The following CHD6 variants were observed in gnomAD, a reference collection of about 807,000 sequenced individuals.
CHD6 encodes chromodomain helicase DNA binding protein 6, also known as ATP-dependent chromatin remodeler CHD6.
In CHD6, 50 loss-of-function variants were observed where a neutral mutation model predicts 276.9. That is an observed-to-expected ratio of 0.18 (90% confidence interval 0.14 to 0.23). The LOEUF is 0.23. CHD6 is among the 10% of genes least tolerant of loss of function. The pLI is 1.00. For synonymous variants in CHD6, 1,173 were observed against 1,229.3 expected (o/e 0.95, Z 0.96); for missense variants, 2,564 against 3,365.8 (o/e 0.76, Z 5.89).
At chr20:41,471,509 A>G (rs144578138) in intron 17 of CHD6, among the ~76,000 whole-genome samples, 100 of 151,344 alleles carry the variant, frequency 6.6e-4, no homozygotes, top group African/African-American at 2.3e-3. Flanking sequence ...AACATAGTTT[A>G]CTTTATGATG....
intron 30 of CHD6, among the ~76,000 whole-genome samples, chr20:41,422,561 T>C (rs146047890): frequency 1.3e-5 from 2 of 152,302 alleles, no homozygotes; most frequent in East Asian, 3.9e-4. Context: ...CAAGAGGATC[T>C]GGGAACCCAG....
At chr20:41,526,756 G>A (rs867302359) in intron 3 of CHD6, among the ~76,000 whole-genome samples, 4 of 152,130 alleles carry the variant, frequency 2.6e-5, no homozygotes, top group African/African-American at 9.7e-5. Flanking sequence ...CCTAGCAGAC[G>A]TTACATATAA....
rs369907955 is a variant in CHD6 at position 41,535,627 on chromosome 20, G to A, written c.34-2057C>T. The stretch of plus-strand genomic sequence containing the variant: ...TAATACCAGCACTTTGGGAGGCTGA[G>A]GTGGGAGAACCACTTGAGGTCAGGA... On this transcript the variant is annotated intron_variant, in intron 2 of 36. Transcript: ENST00000373233. Among the ~76,000 whole-genome samples, 4 of 152,300 alleles carry A rather than the reference G, an allele frequency of 2.6e-5. No homozygotes were observed. The South Asian group carries it at 6.2e-4, about 24-fold the overall frequency.
At chr20:41,543,765 T>G (rs1006236551) in intron 2 of CHD6, among the ~76,000 whole-genome samples, 1 of 152,222 alleles carries the variant, frequency 6.6e-6, no homozygotes, top group African/African-American at 2.4e-5. Context: ...GACATATTTC[T>G]TTTATCCTTA....
intron 1 of CHD6, chr20:41,564,104 A>T (rs1433271724): frequency 1.3e-6 from 1 of 778,336 alleles, no homozygotes; most frequent in Non-Finnish European, 2.4e-6. Flanking sequence ...CAGTTTCTTC[A>T]TTTACAGAAC....
chr20:41,414,945 T>C (rs962272760), intron 34 of CHD6: 4 of 1,362,982 alleles, frequency 2.9e-6, no homozygotes, highest in African/African-American at 1.5e-5. Flanking sequence ...GTTGTTCCTA[T>C]TTGAAATGGC....
At chr20:41,547,349 C>G (rs1414979984) in intron 2 of CHD6, 1 of 200,170 alleles carries the variant, frequency 5.0e-6, no homozygotes, top group African/African-American at 2.3e-5. Flanking sequence ...TGTCTTCCAG[C>G]TCAAAGGAGG....
intron 5 of CHD6, among the ~76,000 whole-genome samples, chr20:41,504,410 TTTTTTTTTTTTTTTTTA>T (rs1386080742): frequency 1.2e-5 from 1 of 86,200 alleles, no homozygotes; most frequent in Non-Finnish European, 2.7e-5. Flanking sequence ...TTTCTTTTTT[TTTTTTTTTTTTTTTTTA>T]GACAGGATCT....
At chr20:41,530,218 T>C (rs1479063422) in intron 3 of CHD6, among the ~76,000 whole-genome samples, 2 of 152,182 alleles carry the variant, frequency 1.3e-5, no homozygotes, top group Non-Finnish European at 2.9e-5. Context: ...TATTGACTAT[T>C]TCTCAACTGA....
At chr20:41,479,155 G>C (rs968578306) in intron 16 of CHD6, among the ~76,000 whole-genome samples, 3 of 151,860 alleles carry the variant, frequency 2.0e-5, no homozygotes, top group Admixed American at 6.6e-5. Flanking sequence ...AGAGAAAAAG[G>C]GTTTTTAAAA....
In CHD6 at chr20:41,440,034, C is replaced by T; in HGVS notation, c.3973G>A (p.Gly1325Ser). 1 of 1,614,068 alleles carries T rather than the reference C, an allele frequency of 6.2e-7. No homozygotes were observed. The highest frequency in any genetic ancestry group is 8.5e-7 in the Non-Finnish European group (1 of 1,179,978). ...PDEKSLSAEQ[G>S]VTDGTSDIPE... is the part of the protein sequence containing the mutation. ...ATGTCTGAGGTCCCATCTGTAACACCCTGTTCTGCAGAAAGGGACTTCTCA... is the reference window on the plus strand; with the variant it reads ...ATGTCTGAGGTCCCATCTGTAACACTCTGTTCTGCAGAAAGGGACTTCTCA... Residue 1325 changes from glycine (G) to serine (S), a missense_variant, in exon 26 of 37, where the codon GGT becomes AGT. Around this residue, in one of 7 missense-constraint regions of CHD6, gnomAD observed 515 missense variants for 739.5 expected, o/e 0.70. Transcript: ENST00000373233.
At chr20:41,508,472 G>A (rs2044032759) in intron 5 of CHD6, among the ~76,000 whole-genome samples, 1 of 152,172 alleles carries the variant, frequency 6.6e-6, no homozygotes, top group East Asian at 1.9e-4. Context: ...ACTGGGGAGA[G>A]CAGAGACTTG....
chr20:41,440,410 C>T (rs1024835339), intron 25 of CHD6, among the ~76,000 whole-genome samples: 4 of 152,148 alleles, frequency 2.6e-5, no homozygotes, highest in South Asian at 2.1e-4. Flanking sequence ...TGCTGCTTCC[C>T]GTCAGCTGGT....
At chr20:41,516,998 G>A (rs73611291) in intron 3 of CHD6, among the ~76,000 whole-genome samples, 1,914 of 152,234 alleles carry the variant, frequency 0.013, 15 homozygotes, top group South Asian at 0.027. Flanking sequence ...TCAAGCACAC[G>A]AACCAGCCAG....
At chr20:41,477,757 C>T (rs749708621) in intron 16 of CHD6, among the ~76,000 whole-genome samples, 2 of 152,180 alleles carry the variant, frequency 1.3e-5, no homozygotes, top group African/African-American at 2.4e-5. Flanking sequence ...TAGTGCAGAA[C>T]ACGTGACGGG....
At chr20:41,525,115 T>C (rs1445176543) in intron 3 of CHD6, among the ~76,000 whole-genome samples, 4 of 152,182 alleles carry the variant, frequency 2.6e-5, no homozygotes, top group Non-Finnish European at 4.4e-5. Flanking sequence ...CGCCCCTGAA[T>C]AGGAAGCCTG....
At chr20:41,594,807 T>G (rs1171382747) in intron 1 of CHD6, among the ~76,000 whole-genome samples, 1 of 152,188 alleles carries the variant, frequency 6.6e-6, no homozygotes, top group African/African-American at 2.4e-5. Flanking sequence ...GCCAATCGGG[T>G]CAGCTTAGAC....
chr20:41,404,767 C>T lies in CHD6; in HGVS notation c.7974G>A (p.Lys2658=). 6.2e-7 allele frequency: 1 copy of T among 1,607,960 alleles called. No homozygotes were observed. The highest frequency in any genetic ancestry group is 8.5e-7 in the Non-Finnish European group (1 of 1,176,832). Residue 2658 remains lysine, a synonymous_variant, in exon 37 of 37, where the codon AAG becomes AAA. Transcript: ENST00000373233. ...VGLESQKRKK[K]KTKGDNPNSH... Reference sequence around the variant, plus strand: ...AGTTGGGGTTGTCCCCCTTTGTCTTCTTCTTCTTCCTCTTCTGGCTCTCCA... The same window carrying T: ...AGTTGGGGTTGTCCCCCTTTGTCTTTTTCTTCTTCCTCTTCTGGCTCTCCA...
Position 41,404,817 on chromosome 20 carries a change from C to T in CHD6, c.7924G>A (p.Ala2642Thr), listed in dbSNP as rs1485631286. The change falls in exon 37 of 37, where the codon GCC becomes ACC. Residue 2642 changes from alanine (A) to threonine (T), a missense_variant. Physicochemically the swap from Ala to Thr is moderately conservative, Grantham distance 58. This residue lies in a region of CHD6 where 238 missense variants were observed against 266.0 expected (regional missense o/e 0.89). Coordinates refer to ENST00000373233, the MANE Select transcript of CHD6 (RefSeq NM_032221.5). ...AGACCTACTATTTCCGAGTGTCTGG[C>T]CTGCTGCATGGCTGGCAGAGCCATG... ...MGMALPAMQQ[A>T]RHSEIVGLES... The T allele has an allele frequency of 6.2e-7, 1 of 1,613,854 alleles. No homozygotes were observed. The highest frequency in any genetic ancestry group is 8.5e-7 in the Non-Finnish European group (1 of 1,179,894).
Sources: allele counts gnomAD v4.1 joint callset (sites outside exome capture counted in the v4.1 genomes callset), GRCh38; gene constraint gnomAD v4.1.1; regional missense constraint gnomAD v4.1.1; transcripts MANE v1.5; gene names NCBI Gene and HGNC (gene_info 2026-07-23, HGNC 2026-07-21).